CNTN4: variants seen among roughly 807,000 people sequenced by gnomAD.
The protein encoded by CNTN4 is contactin-4.
A neutral mutation model predicts 122.5 loss-of-function variants in CNTN4; 77 were observed. The ratio of observed to expected loss-of-function variants is 0.63; its 90% CI spans 0.52 to 0.76. The LOEUF (loss-of-function observed/expected upper bound fraction) is 0.76, where lower values mean the gene tolerates loss of function less well. CNTN4 is among the 30% of genes least tolerant of loss of function. The probability of loss-of-function intolerance (pLI) is 0.00; values close to 1 mark genes in which losing one functional copy is unlikely to be tolerated. For missense variants in CNTN4, 1,256 were observed against 1,259.1 expected (o/e 1.00, Z 0.04); for synonymous variants, 512 against 447.0 (o/e 1.15, Z -1.83).
chr3:2,496,104 G>A (rs1437701734), intron 3 of CNTN4, among the ~76,000 whole-genome samples: 3 of 152,188 alleles, frequency 2.0e-5, no homozygotes, highest in Non-Finnish European at 4.4e-5. Context: ...TTTCTGTGTA[G>A]TAGTTATAAA....
intron 3 of CNTN4, among the ~76,000 whole-genome samples, chr3:2,426,862 G>A (rs745571787): frequency 1.9e-4 from 29 of 152,168 alleles, no homozygotes; most frequent in Admixed American, 4.6e-4. Context: ...TTGAATAGAA[G>A]TGTTTGTAGT....
chr3:2,610,835 A>G (rs1351531302), intron 4 of CNTN4, among the ~76,000 whole-genome samples: 2 of 152,188 alleles, frequency 1.3e-5, no homozygotes, highest in African/African-American at 4.8e-5. Flanking sequence ...TTCCATTGCT[A>G]AAAAGAAATG....
At chr3:2,140,446 C>G (rs1289223143) in intron 2 of CNTN4, among the ~76,000 whole-genome samples, 1 of 152,108 alleles carries the variant, frequency 6.6e-6, no homozygotes, top group Non-Finnish European at 1.5e-5. Context: ...ATTCTAGGGT[C>G]TTGGAAGTCC....
At chr3:2,763,004 C>G (rs140222469) in intron 6 of CNTN4, among the ~76,000 whole-genome samples, 3,147 of 140,834 alleles carry the variant, frequency 0.022, 107 homozygotes, top group African/African-American at 0.078. Flanking sequence ...TGCAGTGGCT[C>G]GATCTCAGCT....
chr3:2,274,920 A>T (rs1259284800), intron 2 of CNTN4, among the ~76,000 whole-genome samples: 1 of 152,156 alleles, frequency 6.6e-6, no homozygotes, highest in Non-Finnish European at 1.5e-5. Context: ...CCATCTTGAT[A>T]CTGTGTCAAA....
At chr3:2,254,297 G>C (rs980670098) in intron 2 of CNTN4, among the ~76,000 whole-genome samples, 1 of 152,092 alleles carries the variant, frequency 6.6e-6, no homozygotes, top group Non-Finnish European at 1.5e-5. Context: ...TCATTGATGG[G>C]CATACGGGTT....
intron 13 of CNTN4, among the ~76,000 whole-genome samples, chr3:2,965,138 A>G (rs1692173564): frequency 1.3e-5 from 2 of 152,186 alleles, no homozygotes; most frequent in South Asian, 4.1e-4. Flanking sequence ...CTGTGCTCTC[A>G]GAATCAATAA....
chr3:2,301,049 C>T (rs1000383101), intron 2 of CNTN4, among the ~76,000 whole-genome samples: 2 of 152,130 alleles, frequency 1.3e-5, no homozygotes, highest in Non-Finnish European at 2.9e-5. Context: ...TTGTATTAAG[C>T]CATCCTTGCT....
chr3:2,407,027 T>G (rs1388158955), intron 3 of CNTN4, among the ~76,000 whole-genome samples: 1 of 152,196 alleles, frequency 6.6e-6, no homozygotes, highest in Admixed American at 6.5e-5. Flanking sequence ...AGGATTTTTT[T>G]ACATGAAGCA....
At chr3:2,132,342 C>G (rs2034490565) in intron 2 of CNTN4, 1 of 152,212 alleles carries the variant, frequency 6.6e-6, no homozygotes, top group Non-Finnish European at 1.5e-5. Flanking sequence ...AACTGCCCAG[C>G]TGAGCCCAGA....
chr3:2,577,039 G>A (rs966737707), intron 4 of CNTN4, among the ~76,000 whole-genome samples: 6 of 152,284 alleles, frequency 3.9e-5, no homozygotes, highest in African/African-American at 9.6e-5. Flanking sequence ...CTGTCCTTTG[G>A]GAAGTCAATT....
chr3:2,530,757 C>G (rs1018433832), intron 3 of CNTN4, among the ~76,000 whole-genome samples: 1 of 151,860 alleles, frequency 6.6e-6, no homozygotes, highest in African/African-American at 2.4e-5. Flanking sequence ...ATTTTTTTAC[C>G]TTGAGAAAAT....
At chr3:2,547,055 C>T (rs1371342405) in intron 3 of CNTN4, among the ~76,000 whole-genome samples, 1 of 151,912 alleles carries the variant, frequency 6.6e-6, no homozygotes, top group Non-Finnish European at 1.5e-5. Context: ...AGCTTAGCCA[C>T]AGATTCGATG....
rs569555759 is a variant in CNTN4, at chr3:2,709,830, G to T, written c.56-26385G>T. Among the ~76,000 whole-genome samples the T allele has an allele frequency of 6.6e-6, 1 of 151,968 alleles. No homozygotes were observed. The highest frequency in any genetic ancestry group is 1.5e-5 in the Non-Finnish European group (1 of 67,988). On this transcript the variant is annotated intron_variant, in intron 4 of 24. Transcript: ENST00000418658. This position sits in a 1 kb window ranked among gnomAD's most constrained non-coding sequence, Gnocchi z 5.0. Reference sequence around the variant, plus strand: ...TTGGGAGGCTGAGCCAGGAGAGCCCGGGAGTCCAGCAGTGAGCTGAGACTG... The same window carrying T: ...TTGGGAGGCTGAGCCAGGAGAGCCCTGGAGTCCAGCAGTGAGCTGAGACTG...
At chr3:2,948,839 C>T (rs1386132049) in intron 13 of CNTN4, among the ~76,000 whole-genome samples, 1 of 152,120 alleles carries the variant, frequency 6.6e-6, no homozygotes, top group Non-Finnish European at 1.5e-5. Flanking sequence ...AATGCCAAAA[C>T]ACAACTTTCC....
chr3:2,706,229 G>A (rs2086728030), intron 4 of CNTN4, among the ~76,000 whole-genome samples: 2 of 151,766 alleles, frequency 1.3e-5, no homozygotes, highest in African/African-American at 4.8e-5. Flanking sequence ...CATCACAATA[G>A]AATGTATTTT....
rs1370727871 is a variant in CNTN4 at position 3,043,089 on chromosome 3, T to C, written c.2624T>C (p.Leu875Ser). The change falls in exon 22 of 25, where the codon TTA becomes TCA. Residue 875 changes from leucine to serine, a missense_variant. Transcript: ENST00000418658. ...TNLKGSVLYH[L>S]AVKAYNSAGT... ...TTAAAAGGCAGTGTGCTGTATCACT[T>C]AGCTGTCAAGGCATATAATTCTGCT... 6.2e-7 allele frequency: 1 copy of C among 1,614,218 alleles called. No individual in the cohort carries two copies. Among genetic ancestry groups the C allele is most frequent in the South Asian group, 1.1e-5 (1 of 91,088 alleles).
intron 2 of CNTN4, among the ~76,000 whole-genome samples, chr3:2,124,104 C>A (rs1451396484): frequency 3.3e-5 from 5 of 152,092 alleles, no homozygotes; most frequent in Admixed American, 6.6e-5. Context: ...AAATCACTTA[C>A]AATAGATTAA....
chr3:2,390,103 T>C (rs983412773), intron 3 of CNTN4, among the ~76,000 whole-genome samples: 1 of 152,144 alleles, frequency 6.6e-6, no homozygotes, highest in Non-Finnish European at 1.5e-5. Flanking sequence ...ATGACAGTTT[T>C]ACTGTGGTTA....
Sources: gnomAD v4.1 joint callset for allele counts (sites outside exome capture counted in the v4.1 genomes callset) on GRCh38, gnomAD v4.1.1 for gene constraint, Gnocchi (gnomAD v3.1) non-coding constraint, MANE v1.5 for transcripts, NCBI Gene and HGNC (gene_info 2026-07-23, HGNC 2026-07-21) for gene names.